The following DPP10 variants were observed in gnomAD, a reference collection of about 807,000 sequenced individuals.
DPP10 encodes inactive dipeptidyl peptidase 10.
Under a neutral mutation model 120.9 loss-of-function variants are expected in DPP10, and 33 were observed. The ratio of observed to expected loss-of-function variants is 0.27; its 90% CI spans 0.21 to 0.37. DPP10 has a LOEUF of 0.37. Among genes scored for constraint, DPP10 ranks in the 10% least tolerant of loss-of-function variants. The pLI is 1.00. For missense variants in DPP10, 816 were observed against 942.8 expected, an observed-to-expected ratio of 0.87 and a Z score of 1.76; for synonymous variants, 337 against 326.1, an observed-to-expected ratio of 1.03 and a Z score of -0.36.
intron 1 of DPP10, among the ~76,000 whole-genome samples, chr2:114,663,443 T>C (rs1399098893): frequency 6.6e-6 from 1 of 150,494 alleles, no homozygotes; most frequent in African/African-American, 2.4e-5. Context: ...GTGTCTTGGA[T>C]ATATTTAGAC....
At chr2:115,226,472 A>G (rs2057438933) in intron 1 of DPP10, among the ~76,000 whole-genome samples, 1 of 152,158 alleles carries the variant, frequency 6.6e-6, no homozygotes, top group Non-Finnish European at 1.5e-5. Context: ...CATGAAATTC[A>G]TTTGAGACAT....
At chr2:115,276,170 C>G (rs906529219) in intron 1 of DPP10, among the ~76,000 whole-genome samples, 1 of 152,018 alleles carries the variant, frequency 6.6e-6, no homozygotes, top group South Asian at 2.1e-4. Flanking sequence ...AGAAAACACT[C>G]GAATGGCAGG....
intron 5 of DPP10, among the ~76,000 whole-genome samples, chr2:115,530,891 G>T (rs920916386): frequency 1.3e-5 from 2 of 152,018 alleles, no homozygotes; most frequent in Non-Finnish European, 2.9e-5. Flanking sequence ...TGCAGCTAGG[G>T]TTGAAGACCA....
intron 1 of DPP10, among the ~76,000 whole-genome samples, chr2:114,609,930 G>T (rs1413804417): frequency 6.6e-6 from 1 of 152,272 alleles, no homozygotes; most frequent in Non-Finnish European, 1.5e-5. Context: ...CACATCCTTT[G>T]ATGCCCTCAC....
At chr2:114,469,643 C>T (rs1679737897) in intron 1 of DPP10, among the ~76,000 whole-genome samples, 1 of 151,974 alleles carries the variant, frequency 6.6e-6, no homozygotes. Context: ...CAGGAGAATG[C>T]CTTGAACCCA....
chr2:115,579,008 A>T (rs1314925808), intron 5 of DPP10: 1 of 152,106 alleles, frequency 6.6e-6, no homozygotes, highest in Non-Finnish European at 1.5e-5. Flanking sequence ...TCTAACCAAC[A>T]CTCACATAGT....
chr2:114,811,057 C>G (rs1419810502), intron 1 of DPP10, among the ~76,000 whole-genome samples: 1 of 152,162 alleles, frequency 6.6e-6, no homozygotes, highest in Non-Finnish European at 1.5e-5. Context: ...GAGATTTCTT[C>G]TAAGGCAGAA....
chr2:114,463,531 AC>A (rs1679101993), intron 1 of DPP10: 1 of 152,172 alleles, frequency 6.6e-6, no homozygotes, highest in East Asian at 1.9e-4. Context: ...TTCCAAAGTT[AC>A]TTAGGTCAAC....
At chr2:115,136,388 G>A (rs2050654034) in intron 1 of DPP10, among the ~76,000 whole-genome samples, 1 of 152,162 alleles carries the variant, frequency 6.6e-6, no homozygotes, top group Non-Finnish European at 1.5e-5. Flanking sequence ...AGATGGCAAT[G>A]TTTCTCTAGC....
intron 1 of DPP10, among the ~76,000 whole-genome samples, chr2:114,720,584 T>C (rs759239142): frequency 6.6e-6 from 1 of 152,212 alleles, no homozygotes; most frequent in African/African-American, 2.4e-5. Flanking sequence ...TCTTCTACAA[T>C]TTCCACCACA....
intron 1 of DPP10, among the ~76,000 whole-genome samples, chr2:114,869,969 C>A (rs942399134): frequency 2.0e-5 from 3 of 152,074 alleles, no homozygotes; most frequent in East Asian, 3.9e-4. Flanking sequence ...AGATTTGAAC[C>A]CTGTAAAATG....
intron 2 of DPP10, among the ~76,000 whole-genome samples, chr2:115,342,780 A>G (rs1444070674): frequency 6.6e-6 from 1 of 151,970 alleles, no homozygotes; most frequent in Non-Finnish European, 1.5e-5. Context: ...AATACTCACT[A>G]TTTTTACTAT....
chr2:115,635,052 C>A (rs1345730008), intron 5 of DPP10, among the ~76,000 whole-genome samples: 1 of 151,878 alleles, frequency 6.6e-6, no homozygotes, highest in African/African-American at 2.4e-5. Context: ...CCAAACCATC[C>A]ATTTTCCCTG....
At chr2:114,566,357 A>G (rs1474977093) in intron 1 of DPP10, among the ~76,000 whole-genome samples, 2 of 152,056 alleles carry the variant, frequency 1.3e-5, no homozygotes, top group Non-Finnish European at 2.9e-5. Context: ...GATCACATTT[A>G]AAAAAATAAA....
At chr2:114,800,207 G>A (rs1425727802) in intron 1 of DPP10, among the ~76,000 whole-genome samples, 2 of 152,176 alleles carry the variant, frequency 1.3e-5, no homozygotes, top group African/African-American at 4.8e-5. Flanking sequence ...GAGTGAAAGG[G>A]AAACATCCAT....
intron 1 of DPP10, among the ~76,000 whole-genome samples, chr2:114,670,004 A>C (rs931717263): frequency 2.6e-5 from 4 of 152,132 alleles, no homozygotes; most frequent in Non-Finnish European, 5.9e-5. Context: ...GGCAATCATT[A>C]AAAAGTCAGG....
intron 1 of DPP10, among the ~76,000 whole-genome samples, chr2:114,536,407 T>A (rs1686492593): frequency 9.3e-6 from 1 of 107,210 alleles, no homozygotes; most frequent in Non-Finnish European, 2.1e-5. Context: ...TTTTTCTTTT[T>A]CTTTTTTTTT....
chr2:114,448,596 C>A (rs1347043491), intron 1 of DPP10, among the ~76,000 whole-genome samples: 2 of 152,148 alleles, frequency 1.3e-5, no homozygotes, highest in African/African-American at 4.8e-5. Context: ...TAGGGCCCAG[C>A]AATCTTTGGT....
At chr2:115,452,117 T>A (rs893515064) in intron 3 of DPP10, among the ~76,000 whole-genome samples, 5 of 152,052 alleles carry the variant, frequency 3.3e-5, no homozygotes, top group African/African-American at 1.2e-4. Flanking sequence ...TCAGTTATCT[T>A]TTCTCATTAC....
Sources: gnomAD v4.1 joint callset for allele counts (sites outside exome capture counted in the v4.1 genomes callset) on GRCh38, gnomAD v4.1.1 for gene constraint, MANE v1.5 for transcripts, NCBI Gene and HGNC (gene_info 2026-07-23, HGNC 2026-07-21) for gene names.